Variants in PCDHA2 observed in about 807,000 individuals in gnomAD.
PCDHA2 encodes protocadherin alpha 2, also known as protocadherin alpha-2.
In PCDHA2, 58 loss-of-function variants were observed where a neutral mutation model predicts 66.0. The observed-to-expected ratio is 0.88, with a 90% CI of 0.71 to 1.09. PCDHA2 has a LOEUF of 1.09. Among genes scored for constraint, PCDHA2 ranks in the 50% least tolerant of loss-of-function variants. PCDHA2 has a pLI of 0.00. For synonymous variants in PCDHA2, 634 were observed against 554.0 expected, an observed-to-expected ratio of 1.14 and a Z score of -2.03; for missense variants, 1,267 against 1,242.3, an observed-to-expected ratio of 1.02 and a Z score of -0.30.
chr5:140,927,409 A>G lies in PCDHA2; in HGVS notation c.2389-51540A>G. The G allele has an allele frequency of 4.3e-6, 7 of 1,614,120 alleles. No individual in the cohort carries two copies. Among genetic ancestry groups the G allele is most frequent in the Non-Finnish European group, 5.9e-6 (7 of 1,179,964 alleles). On this transcript the variant is annotated intron_variant, in intron 1 of 3. Coordinates refer to ENST00000526136, the MANE Select transcript of PCDHA2 (RefSeq NM_018905.3). ...CCCCAGTCAGCACTTTCGCCTGGAC[A>G]TGGGATCGCGGGTTGACGGCAGCGA...
At chr5:140,808,116 T>C in intron 1 of PCDHA2, 1 of 1,614,092 alleles carries the variant, frequency 6.2e-7, no homozygotes, top group African/African-American at 1.3e-5. Context: ...TATATTGACT[T>C]TGAAGAAAGC....
intron 1 of PCDHA2, chr5:140,876,526 G>T: frequency 6.2e-7 from 1 of 1,614,164 alleles, no homozygotes; most frequent in Non-Finnish European, 8.5e-7. Context: ...TGAAGTAATG[G>T]TTACTTCACT....
At chr5:140,836,901 A>G (rs1554136348) in intron 1 of PCDHA2, 1 of 593,604 alleles carries the variant, frequency 1.7e-6, no homozygotes, top group Non-Finnish European at 2.8e-6. Flanking sequence ...AAGTACGTTT[A>G]ATATACACTT....
intron 1 of PCDHA2, chr5:140,808,216 C>T (rs370721658): frequency 1.2e-6 from 2 of 1,614,108 alleles, no homozygotes; most frequent in African/African-American, 2.7e-5. Flanking sequence ...TAGAAGACAA[C>T]AACGATAATG....
chr5:140,836,654 G>A (rs1164686105), intron 1 of PCDHA2: 7 of 1,613,324 alleles, frequency 4.3e-6, no homozygotes, highest in Middle Eastern at 1.6e-4. Context: ...GGCGGCAGAG[G>A]GTGTGCTCTG....
intron 1 of PCDHA2, chr5:140,869,752 G>C (rs1398153775): frequency 1.4e-5 from 22 of 1,613,136 alleles, no homozygotes; most frequent in Middle Eastern, 1.6e-4. Context: ...AGCTACAGAC[G>C]GGGGAAAACC....
intron 1 of PCDHA2, chr5:140,828,206 G>T: frequency 6.2e-7 from 1 of 1,614,036 alleles, no homozygotes; most frequent in Non-Finnish European, 8.5e-7. Context: ...ACCCGAGGAG[G>T]CCAAACACGG....
intron 1 of PCDHA2, among the ~76,000 whole-genome samples, chr5:140,800,043 T>C (rs530877210): frequency 6.6e-6 from 1 of 152,248 alleles, no homozygotes; most frequent in South Asian, 2.1e-4. Context: ...AAATAATCAA[T>C]TCTTTCAAGT....
chr5:140,858,371 C>G, intron 1 of PCDHA2: 1 of 1,588,766 alleles, frequency 6.3e-7, no homozygotes, highest in Non-Finnish European at 8.6e-7. Context: ...CCCCAGCCTT[C>G]CACCATGCCC....
At position 140,809,306 on chromosome 5, in the gene PCDHA2, G is replaced by T. The variant is rs17844285; in HGVS notation, c.2388+11954G>T. 2.6e-3 allele frequency: 4,249 copies of T among 1,614,114 alleles called. 99 individuals are homozygous for T. The East Asian group carries it at 0.049, about 19-fold the overall frequency. On this transcript the variant is annotated intron_variant, in intron 1 of 3. Transcript: ENST00000526136. ...ATACCTGATCATTGCCATCTGCGCG[G>T]TGTCCAGCCTTTTGGTGCTCACGCT...
At chr5:140,874,397 T>A (rs1447759550) in intron 1 of PCDHA2, among the ~76,000 whole-genome samples, 3 of 152,230 alleles carry the variant, frequency 2.0e-5, no homozygotes, top group African/African-American at 7.2e-5. Flanking sequence ...CCCCCTTGCA[T>A]AACAGTCACC....
chr5:140,951,176 A>G (rs1392502599), intron 1 of PCDHA2, among the ~76,000 whole-genome samples: 1 of 151,676 alleles, frequency 6.6e-6, no homozygotes, highest in Non-Finnish European at 1.5e-5. Context: ...CTTTAAAGTC[A>G]TTGTCCGCTA....
At chr5:140,876,524 T>A in intron 1 of PCDHA2, 1 of 1,614,136 alleles carries the variant, frequency 6.2e-7, no homozygotes, top group Non-Finnish European at 8.5e-7. Flanking sequence ...CCTGAAGTAA[T>A]GGTTACTTCA....
At chr5:140,809,628 C>CT in intron 1 of PCDHA2, 1 of 1,506,716 alleles carries the variant, frequency 6.6e-7, no homozygotes, top group South Asian at 1.4e-5. Context: ...CTATCAACTT[C>CT]TTCGTAAATT....
At chr5:140,943,050 A>G (rs1450755005) in intron 1 of PCDHA2, among the ~76,000 whole-genome samples, 1 of 152,044 alleles carries the variant, frequency 6.6e-6, no homozygotes, top group African/African-American at 2.4e-5. Flanking sequence ...TGAGGTCAGG[A>G]GTTCAAGAAC....
At chr5:140,881,358 T>A in intron 1 of PCDHA2, 1 of 985,286 alleles carries the variant, frequency 1.0e-6, no homozygotes, top group Non-Finnish European at 1.2e-6. Flanking sequence ...AATGCGTGGC[T>A]TTCGTATGAA....
At chr5:140,939,960 T>G (rs1216904868) in intron 1 of PCDHA2, among the ~76,000 whole-genome samples, 2 of 152,258 alleles carry the variant, frequency 1.3e-5, no homozygotes, top group African/African-American at 2.4e-5. Context: ...TATGTTAAAG[T>G]GTTCCACGAT....
intron 1 of PCDHA2, chr5:140,967,771 G>A (rs1554229926): frequency 1.2e-6 from 2 of 1,614,222 alleles, no homozygotes; most frequent in Non-Finnish European, 1.7e-6. Context: ...AGATCTATGT[G>A]CAGGCGACTG....
Position 140,795,699 on chromosome 5 carries a change from A to T in PCDHA2, c.735A>T (p.Ser245=). ...VNDNEPTFAQ[S]VYKVKLLENT... ...ACAATGAACCAACTTTTGCCCAATC[A>T]GTTTACAAAGTAAAATTGTTAGAGA... The change falls in exon 1 of 4, where the codon TCA becomes TCT. Residue 245 remains serine (S), a synonymous_variant. Coordinates refer to ENST00000526136, the MANE Select transcript of PCDHA2 (RefSeq NM_018905.3). The T allele has an allele frequency of 1.9e-6, 3 of 1,614,148 alleles. No individual in the cohort carries two copies. The highest frequency in any genetic ancestry group is 1.6e-4 in the Middle Eastern group (1 of 6,062).
Sources: allele counts gnomAD v4.1 joint callset (sites outside exome capture counted in the v4.1 genomes callset), GRCh38; gene constraint gnomAD v4.1.1; transcripts MANE v1.5; gene names NCBI Gene and HGNC (gene_info 2026-07-23, HGNC 2026-07-21).